Variants in COL4A4 observed in about 807,000 individuals in gnomAD.
COL4A4 encodes the protein collagen alpha-4(IV) chain.
COL4A4 carries 105 observed loss-of-function variants against 192.9 expected under a neutral mutation model. The ratio of observed to expected loss-of-function variants is 0.54; its 90% CI spans 0.46 to 0.64. The LOEUF is 0.64. Among genes scored for constraint, COL4A4 ranks in the 30% least tolerant of loss-of-function variants. COL4A4 has a pLI of 0.00. For missense variants in COL4A4, 1,967 were observed against 2,169.3 expected (o/e 0.91, Z 1.85); for synonymous variants, 762 against 769.9 (o/e 0.99, Z 0.17).
At chr2:227,060,877 G>A (rs1280598700) in intron 26 of COL4A4, among the ~76,000 whole-genome samples, 5 of 151,926 alleles carry the variant, frequency 3.3e-5, no homozygotes, top group Admixed American at 1.3e-4. Context: ...GCAGGCGCCC[G>A]CCACCACGCC....
At chr2:226,980,010 G>T in the COL4A4 span, among the ~76,000 whole-genome samples, 1 of 152,184 alleles carries the variant, frequency 6.6e-6, no homozygotes, top group South Asian at 2.1e-4. Flanking sequence ...TGTCAAGGAA[G>T]ACTCTAGGGT....
intron 10 of COL4A4, 42 bp downstream of exon 10, chr2:227,109,182 A>C (rs1271610586): frequency 6.4e-7 from 1 of 1,569,414 alleles, no homozygotes; most frequent in Non-Finnish European, 8.8e-7. Flanking sequence ...TTCATGTAGA[A>C]TCTGGTTTTT....
intron 19 of COL4A4, among the ~76,000 whole-genome samples, chr2:227,095,867 C>T (rs1447682106): frequency 6.6e-6 from 1 of 152,176 alleles, no homozygotes; most frequent in Admixed American, 6.5e-5. Context: ...TGCACTCTTG[C>T]ACTCTAGCCT....
At chr2:227,054,101 A>G (rs1974792830) in intron 31 of COL4A4, among the ~76,000 whole-genome samples, 1 of 152,228 alleles carries the variant, frequency 6.6e-6, no homozygotes, top group Non-Finnish European at 1.5e-5. Context: ...CATAAATACC[A>G]TCTTACTGAA....
At chr2:227,120,789 A>C (rs1370979110) in intron 5 of COL4A4, 1 of 521,266 alleles carries the variant, frequency 1.9e-6, no homozygotes, top group Non-Finnish European at 3.4e-6. Context: ...AAATACAAAA[A>C]TTAGCTGGAC....
In COL4A4 at chr2:227,077,886, A is replaced by T. The variant is rs780277266; in HGVS notation, c.1987+8T>A. ...CTATTGAAATAAATAAAATTTTTTT[A>T]AAATTACCTTTCTGACCCTTCAAGC... On this transcript the variant is annotated splice_region_variant and intron_variant, in intron 25 of 47. Coordinates refer to ENST00000396625, the MANE Select transcript of COL4A4 (RefSeq NM_000092.5). 2.5e-5 allele frequency: 41 copies of T among 1,610,364 alleles called. No individual in the cohort carries two copies. Among genetic ancestry groups the T allele is most frequent in the East Asian group, 1.6e-4 (7 of 44,856 alleles).
chr2:226,975,672 A>G, the COL4A4 span, among the ~76,000 whole-genome samples: 2 of 152,236 alleles, frequency 1.3e-5, no homozygotes, highest in Non-Finnish European at 2.9e-5. Flanking sequence ...TACATGCAGA[A>G]GGAACTCATT....
rs140967848 is a variant in COL4A4 at position 227,092,070 on chromosome 2, A to C, written c.1369+2055T>G. On this transcript the variant is annotated intron_variant, in intron 20 of 47. Transcript: ENST00000396625. ...ATTTAAGACCCCAAAAACAAACAAA[A>C]AAAAAGAGCTCCTATGAGCTTCCAG... Among the ~76,000 whole-genome samples, 706 of 152,266 alleles carry C rather than the reference A, an allele frequency of 4.6e-3. 5 individuals are homozygous for C. The highest frequency in any genetic ancestry group is 0.016 in the African/African-American group (657 of 41,560).
At chr2:227,067,314 A>G (rs1262982107) in intron 25 of COL4A4, among the ~76,000 whole-genome samples, 2 of 152,216 alleles carry the variant, frequency 1.3e-5, no homozygotes, top group Non-Finnish European at 2.9e-5. Context: ...TCAACGAGAC[A>G]GAAAGTCAAC....
At chr2:226,992,112 T>C in the COL4A4 span, among the ~76,000 whole-genome samples, 1 of 151,692 alleles carries the variant, frequency 6.6e-6, no homozygotes, top group East Asian at 1.9e-4. Context: ...AGGAGAGAGG[T>C]AGTAGATCAT....
At chr2:227,148,807 G>C (rs1020773128) in intron 1 of COL4A4, among the ~76,000 whole-genome samples, 5 of 151,372 alleles carry the variant, frequency 3.3e-5, no homozygotes, top group African/African-American at 1.2e-4. Flanking sequence ...ATTAGGTAGA[G>C]AGAAGGAAAC....
Position 227,062,554 on chromosome 2 carries a change from G to A in COL4A4, c.2032C>T (p.Pro678Ser). 1 of 1,611,544 alleles carries A rather than the reference G, an allele frequency of 6.2e-7. No individual in the cohort carries two copies. The highest frequency in any genetic ancestry group is 8.5e-7 in the Non-Finnish European group (1 of 1,177,874). ...CCTGGAGGTCCATCAAAACCTGGAG[G>A]GCCATGCCTCCCAGGGTAGGTTACG... ...CNVTYPGRHG[P>S]PGFDGPPGPK... The change falls in exon 26 of 48, where the codon CCT (proline) becomes TCT (serine). Residue 678 changes from proline to serine, a missense_variant. Physicochemically the swap from Pro to Ser is moderately conservative, Grantham distance 74. Coordinates refer to ENST00000396625, the MANE Select transcript of COL4A4 (RefSeq NM_000092.5).
At chr2:227,022,197 G>A (rs1322786694) in intron 43 of COL4A4, 24 bp from the exon 44 acceptor site, 4 of 1,613,962 alleles carry the variant, frequency 2.5e-6, no homozygotes, top group Non-Finnish European at 3.4e-6. Context: ...CACCGCTTGT[G>A]TAATGGATGC....
intron 2 of COL4A4, among the ~76,000 whole-genome samples, chr2:227,146,898 C>T (rs1021662501): frequency 9.9e-5 from 15 of 152,156 alleles, no homozygotes; most frequent in Admixed American, 2.6e-4. Context: ...TGGGCCCATC[C>T]AGATAGTCAA....
chr2:227,159,868 C>A (rs1417463085), intron 1 of COL4A4, among the ~76,000 whole-genome samples: 1 of 152,208 alleles, frequency 6.6e-6, no homozygotes, highest in Non-Finnish European at 1.5e-5. Context: ...TGAGAACAGA[C>A]TAATACACTT....
chr2:226,986,227 T>C, the COL4A4 span, among the ~76,000 whole-genome samples: 1 of 152,192 alleles, frequency 6.6e-6, no homozygotes, highest in Non-Finnish European at 1.5e-5. Flanking sequence ...CAAAAGAGAC[T>C]AAGGAGACTT....
At chr2:227,013,046 T>C (rs1964135126) in intron 44 of COL4A4, among the ~76,000 whole-genome samples, 1 of 152,184 alleles carries the variant, frequency 6.6e-6, no homozygotes, top group South Asian at 2.1e-4. Context: ...GAGCTCTGGA[T>C]ATAACCTGGG....
downstream of COL4A4, among the ~76,000 whole-genome samples, chr2:227,001,634 A>AGAC (rs1960988617): frequency 6.6e-6 from 1 of 152,254 alleles, no homozygotes; most frequent in African/African-American, 2.4e-5. Context: ...TAGAACAGAC[A>AGAC]GACGAGGGTT....
chr2:227,156,726 T>C (rs1038641862), intron 1 of COL4A4, among the ~76,000 whole-genome samples: 5 of 151,940 alleles, frequency 3.3e-5, no homozygotes, highest in Non-Finnish European at 7.4e-5. Flanking sequence ...TAACAGCACA[T>C]AAAAAAGACT....
Sources: allele counts gnomAD v4.1 joint callset (sites outside exome capture counted in the v4.1 genomes callset), GRCh38; gene constraint gnomAD v4.1.1; transcripts MANE v1.5; gene names NCBI Gene and HGNC (gene_info 2026-07-23, HGNC 2026-07-21).